The following TOMM40 variants were observed in gnomAD, a reference collection of about 807,000 sequenced individuals.
TOMM40 encodes translocase of outer mitochondrial membrane 40.
In TOMM40, 9 loss-of-function variants were observed where a neutral mutation model predicts 38.4. That is an observed-to-expected ratio of 0.23 (90% confidence interval 0.14 to 0.41). The LOEUF (loss-of-function observed/expected upper bound fraction) is 0.41. Ranked by LOEUF, TOMM40 falls within the 10% of genes least tolerant of loss-of-function variation. The pLI, the probability that TOMM40 is intolerant of heterozygous loss-of-function variation, is 1.00. For missense variants in TOMM40, 299 were observed against 486.5 expected, an observed-to-expected ratio of 0.61 and a Z score of 3.63; for synonymous variants, 184 against 210.0, an observed-to-expected ratio of 0.88 and a Z score of 1.07.
Position 44,892,478 on chromosome 19 carries a change from C to G in TOMM40, c.342+18C>G. 1 of 1,610,140 alleles carries G rather than the reference C, an allele frequency of 6.2e-7. No homozygotes were observed. The highest frequency in any genetic ancestry group is 8.5e-7 in the Non-Finnish European group (1 of 1,178,084). ...ATTTTCAGGTGAGCCTTCCTGGTGT[C>G]CTTACCCACCAGAGATCGTCCCCGC... On this transcript the variant is annotated intron_variant, in intron 2 of 8. Transcript: ENST00000426677.
chr19:44,901,231 G>A lies in TOMM40; in HGVS notation c.867G>A (p.Glu289=), dbSNP rs780412231. The change falls in exon 8 of 9, where the codon GAG becomes GAA. Residue 289 remains glutamate (E), a synonymous_variant. Transcript: ENST00000426677. ...SDQLQVGVEF[E]ASTRMQDTSV... is the part of the protein sequence containing the mutation. The stretch of plus-strand genomic sequence containing the variant: ...AGCTGCAGGTGGGTGTGGAGTTTGA[G>A]GCCAGCACAAGGATGCAGGACACCA... 3 of 1,614,132 alleles carry A rather than the reference G, an allele frequency of 1.9e-6. No individual in the cohort carries two copies. Among genetic ancestry groups the A allele is most frequent in the Non-Finnish European group, 2.5e-6 (3 of 1,180,018 alleles).
intron 1 of TOMM40, 31 bp downstream of exon 1, chr19:44,891,720 G>GATGGC (rs1460201295): frequency 9.2e-6 from 13 of 1,414,454 alleles, no homozygotes; most frequent in Non-Finnish European, 1.2e-5. Context: ...GCTGGGCTGC[G>GATGGC]ATGGCCTGGA....
rs76841546 is a variant in TOMM40, at chr19:44,899,332, T to A, written c.644-1398T>A. Among the ~76,000 whole-genome samples the A allele has an allele frequency of 3.4e-3, 508 of 151,570 alleles. 3 individuals are homozygous for A. Among genetic ancestry groups the A allele is most frequent in the Middle Eastern group, 6.8e-3 (2 of 292 alleles). Reference sequence around the variant, plus strand: ...TGGCTACGTTTTTAAATTTATTTATTTGTTGTTTGTTTGCTTATTGGGACA... The same window carrying A: ...TGGCTACGTTTTTAAATTTATTTATATGTTGTTTGTTTGCTTATTGGGACA... On this transcript the variant is annotated intron_variant, in intron 5 of 8. Coordinates refer to ENST00000426677, the MANE Select transcript of TOMM40 (RefSeq NM_001128917.2).
intron 1 of TOMM40, among the ~76,000 whole-genome samples, chr19:44,892,009 G>A (rs157580): frequency 0.69 from 104,414 of 151,936 alleles, 36,886 homozygotes; most frequent in African/African-American, 0.85. Flanking sequence ...AGGTGTCAGC[G>A]AGGTTCCTTG....
At chr19:44,898,039 A>G (rs1969600539) in intron 5 of TOMM40, among the ~76,000 whole-genome samples, 1 of 151,964 alleles carries the variant, frequency 6.6e-6, no homozygotes, top group Admixed American at 6.6e-5. Flanking sequence ...GCTGCAGCCT[A>G]CTTCTGATCT....
In TOMM40 at chr19:44,892,866, C is replaced by T. The variant is rs760252868; in HGVS notation, c.372C>T (p.Ile124=). The change falls in exon 3 of 9, where the codon ATC becomes ATT. Residue 124 remains isoleucine, a synonymous_variant. Coordinates refer to ENST00000426677, the MANE Select transcript of TOMM40 (RefSeq NM_001128917.2). ...ACCACACAGTAGCCCTCAGCACAAT[C>T]GGGGAGTCCAACTACCACTTCGGGG... ...QVNHTVALST[I]GESNYHFGVT... 9.3e-6 allele frequency: 15 copies of T among 1,613,872 alleles called. No individual in the cohort carries two copies. Among genetic ancestry groups the T allele is most frequent in the East Asian group, 2.2e-5 (1 of 44,864 alleles).
intron 5 of TOMM40, among the ~76,000 whole-genome samples, chr19:44,900,470 G>T (rs1204441233): frequency 1.3e-5 from 2 of 152,212 alleles, no homozygotes; most frequent in African/African-American, 4.8e-5. Flanking sequence ...CCCTCTGTAA[G>T]TGGGGGTGGA....
chr19:44,898,893 C>G (rs1969622501), intron 5 of TOMM40, among the ~76,000 whole-genome samples: 1 of 151,434 alleles, frequency 6.6e-6, no homozygotes, highest in African/African-American at 2.4e-5. Context: ...GCTTGTAATC[C>G]CAGCACTTTG....
chr19:44,901,623 C>T (rs1039049969), intron 8 of TOMM40: 3 of 531,788 alleles, frequency 5.6e-6, no homozygotes, highest in Non-Finnish European at 9.6e-6. Context: ...GCCTATAGTC[C>T]CAACTACTGA....
rs892790214 is a variant in TOMM40 at position 44,891,477 on chromosome 19, C to T, written c.62C>T (p.Ala21Val). 3.8e-6 allele frequency: 5 copies of T among 1,320,974 alleles called. No individual in the cohort carries two copies. The African/African-American group carries it at 4.6e-5, about 12-fold the overall frequency. 81.8% of individuals were successfully genotyped at this position (1,320,974 alleles called of 1,614,324 possible). Residue 21 changes from alanine (A) to valine (V), a missense_variant, in exon 1 of 9, where the codon GCC becomes GTC. By Grantham distance (64) the Ala-to-Val change is moderately conservative (BLOSUM62 0). Transcript: ENST00000426677. ...PAGPPPPPAP[A>V]LVGLPPPPPS... ...GGGCCGCCACCGCCGCCTGCGCCGGCCCTCGTGGGGCTGCCGCCACCTCCG... is the reference window on the plus strand; with the variant it reads ...GGGCCGCCACCGCCGCCTGCGCCGGTCCTCGTGGGGCTGCCGCCACCTCCG...
At chr19:44,898,870 C>T (rs1304018934) in intron 5 of TOMM40, among the ~76,000 whole-genome samples, 1 of 150,998 alleles carries the variant, frequency 6.6e-6, no homozygotes, top group African/African-American at 2.4e-5. Context: ...TTAGGCCGGG[C>T]GCGGTGGCTC....
intron 5 of TOMM40, among the ~76,000 whole-genome samples, chr19:44,899,724 C>A (rs747968660): frequency 1.3e-5 from 2 of 150,370 alleles, no homozygotes; most frequent in Admixed American, 6.7e-5. Context: ...AACTGCTGAC[C>A]TCAAGCTGTC....
chr19:44,893,972 G>A lies in TOMM40; in HGVS notation c.549G>A (p.Ser183=), dbSNP rs1160983. The A allele has an allele frequency of 0.033, 51,781 of 1,559,834 alleles. 1,117 individuals are homozygous for A. The highest frequency in any genetic ancestry group is 0.088 in the African/African-American group (6,435 of 73,540). Residue 183 remains serine, a synonymous_variant, in exon 5 of 9, where the codon TCG becomes TCA. Coordinates refer to ENST00000426677, the MANE Select transcript of TOMM40 (RefSeq NM_001128917.2). ...RSKMAIQTQQ[S]KFVNWQVDGE... is the part of the protein sequence containing the mutation. ...CCTCCTCTCCACAGACCCAGCAGTC[G>A]AAGTTTGTGAACTGGCAGGTGGACG...
chr19:44,894,075 C>T lies in TOMM40; in HGVS notation c.643+9C>T, dbSNP rs772694504. The T allele has an allele frequency of 1.8e-5, 27 of 1,497,956 alleles. No homozygotes were observed. In the East Asian group the frequency reaches 3.5e-4, roughly 20 times the overall value. 92.8% of individuals were successfully genotyped at this position (1,497,956 alleles called of 1,614,324 possible). Reference sequence around the variant, plus strand: ...CGTCCTCGTGGGTTCAGGTAAGAGGCGGAGGGCTTGGAGGGTGGTCACAAA... The same window carrying T: ...CGTCCTCGTGGGTTCAGGTAAGAGGTGGAGGGCTTGGAGGGTGGTCACAAA... On this transcript the variant is annotated intron_variant, in intron 5 of 8. Coordinates refer to ENST00000426677, the MANE Select transcript of TOMM40 (RefSeq NM_001128917.2).
intron 5 of TOMM40, among the ~76,000 whole-genome samples, chr19:44,899,791 CTTTTTTTTTTTTT>C (rs10524523): frequency 0.02 from 1,835 of 90,588 alleles, 6 homozygotes; most frequent in African/African-American, 0.028. Context: ...TTGCATCTGG[CTTTTTTTTTTTTT>C]TTTTTTTTTT....
rs1281951278 is a variant in TOMM40 at position 44,903,098 on chromosome 19, C to G, written c.1015C>G (p.Leu339Val). 3 of 1,612,640 alleles carry G rather than the reference C, an allele frequency of 1.9e-6. No homozygotes were observed. The highest frequency in any genetic ancestry group is 2.5e-6 in the Non-Finnish European group (3 of 1,180,012). The change falls in exon 9 of 9, where the codon CTG (leucine) becomes GTG (valine). Residue 339 changes from leucine to valine, a missense_variant. Coordinates refer to ENST00000426677, the MANE Select transcript of TOMM40 (RefSeq NM_001128917.2). ...EKKLPPLPLT[L>V]ALGAFLNHRK... The stretch of plus-strand genomic sequence containing the variant: ...GAAGCTCCCACCCCTGCCCCTGACA[C>G]TGGCCCTTGGGGCCTTCCTGAATCA...
rs1307245482 is a variant in TOMM40 at position 44,902,278 on chromosome 19, C to T, written c.947-752C>T. ...AGTGCAGCAGTGCAACTGCGGCTCA[C>T]TGCAGCCTCCACCTCCCGGGCTCAA... On this transcript the variant is annotated intron_variant, in intron 8 of 8. Coordinates refer to ENST00000426677, the MANE Select transcript of TOMM40 (RefSeq NM_001128917.2). 9.2e-5 allele frequency: 14 copies of T among 152,274 alleles called. 1 individual carries two copies. The highest frequency in any genetic ancestry group is 9.2e-4 in the Admixed American group (14 of 15,282). The allele number at this position is 152,274 out of a possible 1,614,324, so 9.4% of individuals were successfully genotyped here. A position where few individuals can be genotyped will look rare whatever the true frequency, so the allele number is the denominator to read the frequency against.
intron 6 of TOMM40, 57 bp from the exon 7 acceptor site, chr19:44,900,971 C>T (rs113501473): frequency 1.2e-5 from 19 of 1,611,774 alleles, no homozygotes; most frequent in African/African-American, 9.3e-5. Flanking sequence ...GCCTGGGTTC[C>T]CAGATGCCCA....
At chr19:44,892,812 G>T in intron 2 of TOMM40, 25 bp from the exon 3 acceptor site, 3 of 1,586,676 alleles carry the variant, frequency 1.9e-6, no homozygotes, top group Non-Finnish European at 2.6e-6. Flanking sequence ...GTCCAGTATC[G>T]TCACAGCTCT....
Sources: allele counts gnomAD v4.1 joint callset (sites outside exome capture counted in the v4.1 genomes callset), GRCh38; gene constraint gnomAD v4.1.1; transcripts MANE v1.5; gene names NCBI Gene and HGNC (gene_info 2026-07-23, HGNC 2026-07-21).